Variants in AGBL1 observed in about 807,000 individuals in gnomAD.
AGBL1 encodes the protein cytosolic carboxypeptidase 4.
A neutral mutation model predicts 118.9 loss-of-function variants in AGBL1; 130 were observed. That is an observed-to-expected ratio of 1.09 (90% CI 0.95 to 1.26). The LOEUF (loss-of-function observed/expected upper bound fraction) is 1.26. Ranked by LOEUF, AGBL1 falls within the 50% of genes most tolerant of loss-of-function variation. The probability of loss-of-function intolerance (pLI) is 0.00; values close to 1 mark genes in which losing one functional copy is unlikely to be tolerated. For missense variants in AGBL1, 1,584 were observed against 1,298.1 expected (o/e 1.22, Z -3.38); for synonymous variants, 555 against 478.9 (o/e 1.16, Z -2.08).
chr15:87,015,554 C>A (rs1284316992), intron 24 of AGBL1, among the ~76,000 whole-genome samples: 1 of 152,136 alleles, frequency 6.6e-6, no homozygotes, highest in Non-Finnish European at 1.5e-5. Context: ...ACACTGAGTG[C>A]CTTCTGTGCT....
intron 22 of AGBL1, among the ~76,000 whole-genome samples, chr15:86,830,539 A>C (rs1033021160): frequency 2.0e-5 from 3 of 152,114 alleles, no homozygotes; most frequent in Non-Finnish European, 4.4e-5. Context: ...GTCCATGACC[A>C]TGTGGTCATG....
chr15:86,729,425 C>G (rs1185988071), intron 22 of AGBL1, among the ~76,000 whole-genome samples: 1 of 152,188 alleles, frequency 6.6e-6, no homozygotes, highest in Non-Finnish European at 1.5e-5. Flanking sequence ...TTTCAACCTA[C>G]CCTGCTTTCC....
chr15:86,785,112 ACT>A (rs1567172879), intron 22 of AGBL1, among the ~76,000 whole-genome samples: 3 of 152,076 alleles, frequency 2.0e-5, no homozygotes, highest in African/African-American at 7.2e-5. Context: ...CCTAAGGTGC[ACT>A]CTCTGCCCTT....
intron 22 of AGBL1, among the ~76,000 whole-genome samples, chr15:86,674,916 A>T (rs976600264): frequency 2.6e-5 from 4 of 152,166 alleles, no homozygotes; most frequent in Admixed American, 1.3e-4. Context: ...GATGATTAAT[A>T]CTTTGGCTCA....
chr15:86,339,858 C>T (rs141783318), intron 17 of AGBL1, among the ~76,000 whole-genome samples: 3,398 of 151,870 alleles, frequency 0.022, 57 homozygotes, highest in Non-Finnish European at 0.033. Context: ...CCCAGCTACT[C>T]GGGAGGCTGA....
intron 18 of AGBL1, among the ~76,000 whole-genome samples, chr15:86,408,928 T>C (rs958405210): frequency 2.0e-5 from 3 of 152,182 alleles, no homozygotes; most frequent in Admixed American, 2.0e-4. Context: ...CCATTTTGAA[T>C]GTGAAGATAT....
chr15:86,204,246 G>A (rs751903994), intron 5 of AGBL1, among the ~76,000 whole-genome samples: 1 of 152,092 alleles, frequency 6.6e-6, no homozygotes, highest in Non-Finnish European at 1.5e-5. Context: ...ATATTCTCCT[G>A]CCAACTCAGT....
chr15:86,776,737 A>ATT (rs2078260175), intron 22 of AGBL1, among the ~76,000 whole-genome samples: 1 of 119,330 alleles, frequency 8.4e-6, no homozygotes, highest in Non-Finnish European at 1.8e-5. Flanking sequence ...ATGGCTTAGA[A>ATT]TTATATATAT....
intron 17 of AGBL1, among the ~76,000 whole-genome samples, chr15:86,336,885 C>T (rs1456345273): frequency 3.3e-5 from 5 of 152,182 alleles, no homozygotes; most frequent in African/African-American, 1.2e-4. Flanking sequence ...CATACCCAAC[C>T]TAAGTAAAAA....
At chr15:86,519,880 T>G (rs570517596) in intron 18 of AGBL1, among the ~76,000 whole-genome samples, 1 of 152,352 alleles carries the variant, frequency 6.6e-6, no homozygotes, top group African/African-American at 2.4e-5. Context: ...TTAAATATTC[T>G]TAGATGTGGT....
At position 86,220,853 on chromosome 15, in the gene AGBL1, G is replaced by A. The variant is rs148596574; in HGVS notation, c.489-4061G>A. ...CCATAGGGAAGCTCAAACAATGGGGGATGATGTTATGAGTTTACACTCTAA... is the reference window on the plus strand; with the variant it reads ...CCATAGGGAAGCTCAAACAATGGGGAATGATGTTATGAGTTTACACTCTAA... On this transcript the variant is annotated intron_variant, in intron 5 of 22. Coordinates refer to ENST00000614907, the MANE Select transcript of AGBL1 (RefSeq NM_001386094.1). Among the ~76,000 whole-genome samples the A allele has an allele frequency of 1.2e-4, 18 of 152,238 alleles. 1 individual carries two copies. In the Middle Eastern group the frequency reaches 0.017, roughly 144 times the overall value.
chr15:86,290,141 G>T (rs113426705), intron 16 of AGBL1, among the ~76,000 whole-genome samples: 6 of 152,094 alleles, frequency 3.9e-5, no homozygotes, highest in African/African-American at 1.4e-4. Context: ...TTTAGAGCTA[G>T]GTGATGACAT....
intron 18 of AGBL1, among the ~76,000 whole-genome samples, chr15:86,449,964 A>G (rs976053403): frequency 4.6e-5 from 7 of 151,962 alleles, no homozygotes; most frequent in Admixed American, 2.0e-4. Flanking sequence ...AATTAACAGT[A>G]AATTGTGGCA....
chr15:86,427,578 T>A (rs1195536701), intron 18 of AGBL1, among the ~76,000 whole-genome samples: 1 of 151,972 alleles, frequency 6.6e-6, no homozygotes, highest in Non-Finnish European at 1.5e-5. Context: ...AAAGGACACC[T>A]ATTGGCATTT....
chr15:86,748,410 C>A (rs1596444336), intron 22 of AGBL1, among the ~76,000 whole-genome samples: 1 of 145,034 alleles, frequency 6.9e-6, no homozygotes. Context: ...GATTGCAAAA[C>A]TTTTCTCCCA....
At chr15:86,903,850 G>C (rs993381768) in intron 22 of AGBL1, among the ~76,000 whole-genome samples, 4 of 152,172 alleles carry the variant, frequency 2.6e-5, no homozygotes, top group African/African-American at 9.7e-5. Flanking sequence ...CTGCTCTCCA[G>C]TGGTAGGGGA....
Position 86,618,129 on chromosome 15 carries a change from A to T in AGBL1, c.2995-56144A>T, listed in dbSNP as rs118128772. On this transcript the variant is annotated intron_variant, in intron 21 of 22. Coordinates refer to ENST00000614907, the MANE Select transcript of AGBL1 (RefSeq NM_001386094.1). ...GGCTAATTATAACCAACAAACAGAA[A>T]TACTCTTTAATTCCAAACTATGCAG... Among the ~76,000 whole-genome samples the T allele has an allele frequency of 2.0e-5, 3 of 152,328 alleles. No individual in the cohort carries two copies. In the South Asian group the frequency reaches 6.2e-4, roughly 32 times the overall value.
intron 18 of AGBL1, among the ~76,000 whole-genome samples, chr15:86,492,247 C>T (rs996130624): frequency 3.9e-5 from 6 of 152,162 alleles, no homozygotes; most frequent in Middle Eastern, 3.4e-3. Flanking sequence ...GACTTGTCCA[C>T]GAAGTAGGAG....
intron 6 of AGBL1, among the ~76,000 whole-genome samples, chr15:86,243,730 C>A (rs1053855661): frequency 6.6e-6 from 1 of 152,046 alleles, no homozygotes; most frequent in Non-Finnish European, 1.5e-5. Flanking sequence ...TAATGTAGGC[C>A]GGGCATGGTG....
Sources: allele counts gnomAD v4.1 joint callset (sites outside exome capture counted in the v4.1 genomes callset), GRCh38; gene constraint gnomAD v4.1.1; transcripts MANE v1.5; gene names NCBI Gene and HGNC (gene_info 2026-07-23, HGNC 2026-07-21).